Variants in LDHB observed in about 807,000 individuals in gnomAD.
The protein encoded by LDHB is L-lactate dehydrogenase B chain.
Under a neutral mutation model 33.4 loss-of-function variants are expected in LDHB, and 18 were observed. That is an observed-to-expected ratio of 0.54 (90% CI 0.37 to 0.80). The LOEUF (loss-of-function observed/expected upper bound fraction) is 0.80, where lower values mean the gene tolerates loss of function less well. Among genes scored for constraint, LDHB ranks in the 30% least tolerant of loss-of-function variants. The pLI is 0.00. For missense variants in LDHB, 345 were observed against 407.9 expected, an observed-to-expected ratio of 0.85 and a Z score of 1.33; for synonymous variants, 121 against 140.6, an observed-to-expected ratio of 0.86 and a Z score of 0.98.
intron 1 of LDHB, among the ~76,000 whole-genome samples, chr12:21,655,778 C>T (rs939404593): frequency 2.0e-5 from 3 of 152,094 alleles, no homozygotes; most frequent in African/African-American, 7.2e-5. Flanking sequence ...ACGATCTGTA[C>T]AGTAACACCA....
intron 4 of LDHB, among the ~76,000 whole-genome samples, chr12:21,642,670 C>T (rs1005388529): frequency 1.3e-5 from 2 of 152,134 alleles, no homozygotes; most frequent in African/African-American, 4.8e-5. Flanking sequence ...TTTGCTCCAG[C>T]GTGGCATAGC....
chr12:21,642,190 G>T, intron 4 of LDHB, 65 bp from the exon 5 acceptor site: 1 of 1,192,022 alleles, frequency 8.4e-7, no homozygotes, highest in East Asian at 2.4e-5. Flanking sequence ...AGGCAGCTTG[G>T]GGTGCCCTGG....
At position 21,637,181 on chromosome 12, in the gene LDHB, T is replaced by C. The variant is rs750220072; in HGVS notation, c.727A>G (p.Ile243Val). The stretch of plus-strand genomic sequence containing the variant: ...CAGTTGGTATATCCTTTTAGCTTGA[T>C]GACTTCATAGGCACTTAAAAAAATT... ...KMVVESAYEV[I>V]KLKGYTNWAI... The change falls in exon 7 of 8, where the codon ATC becomes GTC. Residue 243 changes from isoleucine (I) to valine (V), a missense_variant. Coordinates refer to ENST00000350669, the MANE Select transcript of LDHB (RefSeq NM_002300.8). The C allele has an allele frequency of 4.4e-6, 7 of 1,602,058 alleles. No individual in the cohort carries two copies. The highest frequency in any genetic ancestry group is 4.0e-5 in the African/African-American group (3 of 74,664).
chr12:21,652,132 G>A (rs764625261), intron 2 of LDHB, among the ~76,000 whole-genome samples: 6 of 152,142 alleles, frequency 3.9e-5, no homozygotes, highest in Non-Finnish European at 8.8e-5. Flanking sequence ...ACTTCTTATA[G>A]AATCATGATA....
At position 21,635,731 on chromosome 12, in the gene LDHB, G is replaced by A. The variant is rs764096678; in HGVS notation, c.838-22C>T. ...TCCCCTGCCAGAACAACAAAGCATC[G>A]AGATTAAGACATGAAACTGTAAGTA... On this transcript the variant is annotated intron_variant, in intron 7 of 7. Coordinates refer to ENST00000350669, the MANE Select transcript of LDHB (RefSeq NM_002300.8). The A allele has an allele frequency of 2.7e-5, 43 of 1,609,708 alleles. 1 individual carries two copies. In the Admixed American group the frequency reaches 3.2e-4, roughly 12 times the overall value.
At chr12:21,646,818 T>C (rs1938539264) in intron 3 of LDHB, 81 bp downstream of exon 3, 2 of 820,054 alleles carry the variant, frequency 2.4e-6, no homozygotes, top group Non-Finnish European at 4.3e-6. Context: ...AATAAATCTA[T>C]TATGCTGTAA....
intron 4 of LDHB, among the ~76,000 whole-genome samples, chr12:21,642,549 A>G (rs1938403188): frequency 6.6e-6 from 1 of 152,160 alleles, no homozygotes; most frequent in African/African-American, 2.4e-5. Flanking sequence ...TAAACTACCA[A>G]ATCTTGCTAC....
chr12:21,646,840 A>T (rs893076683), intron 3 of LDHB, 59 bp downstream of exon 3: 4 of 961,016 alleles, frequency 4.2e-6, no homozygotes, highest in Non-Finnish European at 6.8e-6. Context: ...ATGCATTCCA[A>T]ATGTGTTTTG....
intron 7 of LDHB, among the ~76,000 whole-genome samples, chr12:21,636,018 G>A (rs1938205789): frequency 6.6e-6 from 1 of 152,016 alleles, no homozygotes; most frequent in Non-Finnish European, 1.5e-5. Context: ...CTTATGTTTT[G>A]AATTAGGTTT....
At chr12:21,646,517 C>A (rs1408716140) in intron 3 of LDHB, among the ~76,000 whole-genome samples, 1 of 152,056 alleles carries the variant, frequency 6.6e-6, no homozygotes, top group South Asian at 2.1e-4. Flanking sequence ...CCAAACAATG[C>A]GATAAATCCA....
At chr12:21,649,583 CAAG>C (rs1039161380) in intron 2 of LDHB, among the ~76,000 whole-genome samples, 17 of 152,030 alleles carry the variant, frequency 1.1e-4, no homozygotes, top group African/African-American at 4.1e-4. Flanking sequence ...ACTTAGATAC[CAAG>C]AATACCACTG....
intron 2 of LDHB, among the ~76,000 whole-genome samples, chr12:21,652,453 T>C (rs946240736): frequency 6.6e-6 from 1 of 152,242 alleles, no homozygotes; most frequent in South Asian, 2.1e-4. Context: ...TCTTTGAACA[T>C]GGCACATACT....
At chr12:21,654,753 C>G (rs7953579) in intron 1 of LDHB, 76 bp from the exon 2 acceptor site, 917,356 of 1,274,544 alleles carry the variant, frequency 0.72, 332,278 homozygotes, top group East Asian at 0.88. Context: ...TAAAATGTTA[C>G]TGTTGCAATT....
chr12:21,646,850 G>C (rs1938539741), intron 3 of LDHB, 49 bp downstream of exon 3: 3 of 1,048,060 alleles, frequency 2.9e-6, no homozygotes, highest in African/African-American at 1.6e-5. Context: ...AATGTGTTTT[G>C]GGGCCATGAA....
intron 4 of LDHB, among the ~76,000 whole-genome samples, chr12:21,642,375 G>T (rs1025420510): frequency 6.6e-6 from 1 of 152,016 alleles, no homozygotes; most frequent in Non-Finnish European, 1.5e-5. Flanking sequence ...TTTTACATTT[G>T]CATTATTATG....
chr12:21,645,401 G>C (rs1209542113), intron 3 of LDHB, among the ~76,000 whole-genome samples: 1 of 152,156 alleles, frequency 6.6e-6, no homozygotes, highest in Admixed American at 6.5e-5. Context: ...CTGTGCCGAG[G>C]AGGATTAGTA....
At chr12:21,652,858 A>G (rs1460261108) in intron 2 of LDHB, among the ~76,000 whole-genome samples, 1 of 152,238 alleles carries the variant, frequency 6.6e-6, no homozygotes, top group African/African-American at 2.4e-5. Context: ...ATGGGTGTGC[A>G]CTACGTTTTT....
At chr12:21,641,774 TAGAG>T (rs1476073742) in intron 5 of LDHB, among the ~76,000 whole-genome samples, 174 bp downstream of exon 5, 1 of 151,918 alleles carries the variant, frequency 6.6e-6, no homozygotes, top group Non-Finnish European at 1.5e-5. Flanking sequence ...GATAGGTAGA[TAGAG>T]AGATGAGAGA....
intron 6 of LDHB, among the ~76,000 whole-genome samples, chr12:21,637,570 C>A (rs1938252021): frequency 6.6e-6 from 1 of 151,954 alleles, no homozygotes; most frequent in South Asian, 2.1e-4. Context: ...ATTGTGAGGT[C>A]CCACTTGCCA....
Sources: allele counts gnomAD v4.1 joint callset (sites outside exome capture counted in the v4.1 genomes callset), GRCh38; gene constraint gnomAD v4.1.1; transcripts MANE v1.5; gene names NCBI Gene and HGNC (gene_info 2026-07-23, HGNC 2026-07-21).